The following PRKN variants were observed in gnomAD, a reference collection of about 807,000 sequenced individuals.
PRKN encodes the protein E3 ubiquitin-protein ligase parkin.
In PRKN, 56 loss-of-function variants were observed where a neutral mutation model predicts 59.5. The observed-to-expected ratio is 0.94, with a 90% confidence interval of 0.76 to 1.18. The LOEUF (loss-of-function observed/expected upper bound fraction) is 1.18, where lower values mean the gene tolerates loss of function less well. PRKN is among the 50% of genes most tolerant of loss of function. The pLI, the probability that PRKN is intolerant of heterozygous loss-of-function variation, is 0.00. For missense variants in PRKN, 657 were observed against 596.4 expected, an observed-to-expected ratio of 1.10 and a Z score of -1.06; for synonymous variants, 250 against 222.1, an observed-to-expected ratio of 1.13 and a Z score of -1.12.
intron 1 of PRKN, among the ~76,000 whole-genome samples, chr6:162,610,144 A>G (rs925512982): frequency 2.6e-5 from 4 of 152,198 alleles, no homozygotes; most frequent in African/African-American, 9.7e-5. Flanking sequence ...TGCTCTGCAA[A>G]TATGAACTCA....
At chr6:162,690,781 A>G (rs1200303560) in intron 1 of PRKN, among the ~76,000 whole-genome samples, 1 of 152,158 alleles carries the variant, frequency 6.6e-6, no homozygotes, top group East Asian at 1.9e-4. Context: ...GTCAGATCAG[A>G]TGTTCCTCTT....
chr6:162,002,451 T>G (rs1358286772), intron 5 of PRKN, among the ~76,000 whole-genome samples: 1 of 152,104 alleles, frequency 6.6e-6, no homozygotes, highest in Admixed American at 6.6e-5. Context: ...TTCATAATAT[T>G]CCTTTATAAG....
chr6:162,489,206 A>G (rs967100016), intron 1 of PRKN, among the ~76,000 whole-genome samples: 2 of 152,192 alleles, frequency 1.3e-5, no homozygotes, highest in Admixed American at 1.3e-4. Flanking sequence ...CAAAGTTCAA[A>G]TTTACTCCAA....
intron 1 of PRKN, among the ~76,000 whole-genome samples, chr6:162,718,743 C>T (rs1480775832): frequency 6.6e-6 from 1 of 151,920 alleles, no homozygotes; most frequent in East Asian, 1.9e-4. Flanking sequence ...CAGAACTGTC[C>T]CCCACAAAAC....
intron 2 of PRKN, among the ~76,000 whole-genome samples, chr6:162,283,121 G>A (rs569456000): frequency 2.7e-4 from 41 of 151,802 alleles, no homozygotes; most frequent in African/African-American, 9.7e-4. Flanking sequence ...GTCACTGTTA[G>A]TTGTAACTTC....
intron 3 of PRKN, among the ~76,000 whole-genome samples, chr6:162,259,303 C>T (rs997989897): frequency 1.3e-5 from 2 of 152,202 alleles, no homozygotes; most frequent in African/African-American, 4.8e-5. Flanking sequence ...GTGAGAACAA[C>T]AGGTAGGATC....
At chr6:162,079,431 T>G (rs1290569652) in intron 4 of PRKN, among the ~76,000 whole-genome samples, 1 of 152,158 alleles carries the variant, frequency 6.6e-6, no homozygotes, top group Admixed American at 6.5e-5. Flanking sequence ...CATCTTATTT[T>G]GATACATCAT....
intron 4 of PRKN, among the ~76,000 whole-genome samples, chr6:162,123,483 G>A (rs576379868): frequency 1.3e-5 from 2 of 152,002 alleles, no homozygotes; most frequent in African/African-American, 2.4e-5. Context: ...CTTCTTTACC[G>A]CCACTAGTTA....
In PRKN at chr6:161,460,586, T is replaced by C. The variant is rs1790161648; in HGVS notation, c.1084-73709A>G. On this transcript the variant is annotated intron_variant, in intron 9 of 11. Coordinates refer to ENST00000366898, the MANE Select transcript of PRKN (RefSeq NM_004562.3). The surrounding 1 kb of genome is among the most constrained non-coding windows in gnomAD (Gnocchi z 5.0). ...TGGGGTAGAAGCCCCAGGTGCCACA[T>C]GTGCTGGCAGGAGTTCCGGGGGCAC... Among the ~76,000 whole-genome samples, 1 of 152,052 alleles carries C rather than the reference T, an allele frequency of 6.6e-6. No homozygotes were observed. Among genetic ancestry groups the C allele is most frequent in the Non-Finnish European group, 1.5e-5 (1 of 68,008 alleles).
intron 7 of PRKN, among the ~76,000 whole-genome samples, chr6:161,699,274 C>G (rs903154592): frequency 6.6e-6 from 1 of 152,244 alleles, no homozygotes; most frequent in East Asian, 1.9e-4. Context: ...TGGGAAGGTA[C>G]AATGGTACAA....
At chr6:162,099,459 T>C (rs1279311410) in intron 4 of PRKN, among the ~76,000 whole-genome samples, 1 of 152,214 alleles carries the variant, frequency 6.6e-6, no homozygotes, top group Non-Finnish European at 1.5e-5. Context: ...CCTATGAATA[T>C]GTAACACCAA....
At chr6:161,872,973 TTC>T (rs1491507217) in intron 6 of PRKN, among the ~76,000 whole-genome samples, 4,660 of 150,966 alleles carry the variant, frequency 0.031, 261 homozygotes, top group African/African-American at 0.11. Flanking sequence ...TTTTTTTTTT[TTC>T]CAAAAAACCT....
intron 9 of PRKN, among the ~76,000 whole-genome samples, chr6:161,510,606 A>G (rs1253504439): frequency 6.6e-6 from 1 of 152,204 alleles, no homozygotes; most frequent in Non-Finnish European, 1.5e-5. Flanking sequence ...AGGCAATTTA[A>G]CCAAAATGCT....
chr6:162,085,207 C>A (rs996798021), intron 4 of PRKN, among the ~76,000 whole-genome samples: 13 of 150,232 alleles, frequency 8.7e-5, no homozygotes, highest in African/African-American at 3.0e-4. Flanking sequence ...GGATGTAATT[C>A]TAGACAAATC....
intron 5 of PRKN, among the ~76,000 whole-genome samples, chr6:162,011,375 A>T (rs1782680136): frequency 7.3e-5 from 1 of 13,768 alleles, no homozygotes; most frequent in Non-Finnish European, 1.1e-4. Context: ...TATATAATAT[A>T]TTATATATTT....
intron 5 of PRKN, among the ~76,000 whole-genome samples, chr6:162,037,912 T>A (rs1783911344): frequency 6.6e-6 from 1 of 151,252 alleles, no homozygotes; most frequent in Non-Finnish European, 1.5e-5. Context: ...GTTTTTATAA[T>A]CAGAAAATGC....
chr6:161,872,295 G>A (rs1794372442), intron 6 of PRKN, among the ~76,000 whole-genome samples: 1 of 152,060 alleles, frequency 6.6e-6, no homozygotes, highest in African/African-American at 2.4e-5. Flanking sequence ...GTGAGAAGAT[G>A]AGCCATAAGC....
intron 6 of PRKN, among the ~76,000 whole-genome samples, chr6:161,904,191 T>G (rs1778041979): frequency 6.6e-6 from 1 of 151,864 alleles, no homozygotes; most frequent in Admixed American, 6.6e-5. Context: ...AAGTTAAAAT[T>G]AAGCAACAGC....
intron 1 of PRKN, among the ~76,000 whole-genome samples, chr6:162,491,042 G>A (rs1324388811): frequency 6.6e-6 from 1 of 151,800 alleles, no homozygotes; most frequent in Non-Finnish European, 1.5e-5. Flanking sequence ...GGCGGGGGTT[G>A]TGGTGATCTC....
Sources: allele counts gnomAD v4.1 joint callset (sites outside exome capture counted in the v4.1 genomes callset), GRCh38; gene constraint gnomAD v4.1.1; non-coding constraint Gnocchi (gnomAD v3.1); transcripts MANE v1.5; gene names NCBI Gene and HGNC (gene_info 2026-07-23, HGNC 2026-07-21).